The following IDNK variants were observed in gnomAD, a reference collection of about 807,000 sequenced individuals.
IDNK encodes the protein IDNK gluconokinase, also known as gluconokinase.
IDNK carries 9 observed loss-of-function variants against 13.0 expected under a neutral mutation model. That is an observed-to-expected ratio of 0.69 (90% CI 0.42 to 1.21). IDNK has a LOEUF of 1.21. Ranked by LOEUF, IDNK falls within the 50% of genes most tolerant of loss-of-function variation. The pLI, the probability that IDNK is intolerant of heterozygous loss-of-function variation, is 0.00. For missense variants in IDNK, 210 were observed against 237.8 expected (o/e 0.88, Z 0.77); for synonymous variants, 92 against 94.9 (o/e 0.97, Z 0.18).
rs146597472 is a variant in IDNK at position 83,643,469 on chromosome 9, G to A, written c.253G>A (p.Ala85Thr). 73 of 1,613,622 alleles carry A rather than the reference G, an allele frequency of 4.5e-5. No homozygotes were observed. The highest frequency in any genetic ancestry group is 4.1e-4 in the African/African-American group (31 of 74,912). Reference sequence around the variant, plus strand: ...ACAGCGTGTGGTTCTAGCCTGTTCAGCCCTGAAGAAAACGTACAGAGACAT... The same window carrying A: ...ACAGCGTGTGGTTCTAGCCTGTTCAACCCTGAAGAAAACGTACAGAGACAT... Reference protein sequence around the residue: ...SGQRVVLACSALKKTYRDILT... With the variant: ...SGQRVVLACSTLKKTYRDILT... The change falls in exon 5 of 5, where the codon GCC becomes ACC. Residue 85 changes from alanine (A) to threonine (T), a missense_variant. Physicochemically the swap from Ala to Thr is moderately conservative, Grantham distance 58. Transcript: ENST00000376419.
chr9:83,635,438 C>T (rs1201644880), intron 3 of IDNK, among the ~76,000 whole-genome samples: 3 of 152,210 alleles, frequency 2.0e-5, no homozygotes, highest in Non-Finnish European at 2.9e-5. Flanking sequence ...AATGAGAATA[C>T]GATGTTCAAA....
intron 1 of IDNK, among the ~76,000 whole-genome samples, chr9:83,624,405 A>C (rs1269781637): frequency 6.6e-6 from 1 of 151,982 alleles, no homozygotes; most frequent in Non-Finnish European, 1.5e-5. Context: ...CTCAATCCTT[A>C]CTCTATGTCA....
intron 1 of IDNK, chr9:83,626,622 G>A (rs1830858292): frequency 1.1e-6 from 1 of 939,416 alleles, no homozygotes; most frequent in Admixed American, 2.4e-5. Context: ...TTGCCATGTT[G>A]GCCGAGCTAG....
intron 4 of IDNK, among the ~76,000 whole-genome samples, chr9:83,642,819 T>G (rs1182089574): frequency 6.6e-6 from 1 of 151,648 alleles, no homozygotes; most frequent in East Asian, 1.9e-4. Context: ...CTGGCTGGAG[T>G]TTTTTCCTTA....
chr9:83,639,246 A>T (rs1407946081), intron 3 of IDNK, among the ~76,000 whole-genome samples: 2 of 152,246 alleles, frequency 1.3e-5, no homozygotes, highest in Admixed American at 1.3e-4. Flanking sequence ...AAATTACAGA[A>T]TATTAAGTAA....
chr9:83,626,867 G>T, intron 1 of IDNK: 1 of 1,086,532 alleles, frequency 9.2e-7, no homozygotes, highest in Non-Finnish European at 1.1e-6. Context: ...CACTGCTCTC[G>T]CAACCTTTGG....
chr9:83,642,880 C>A (rs917303188), intron 4 of IDNK, among the ~76,000 whole-genome samples: 1 of 152,178 alleles, frequency 6.6e-6, no homozygotes, highest in Non-Finnish European at 1.5e-5. Context: ...CACAGAGAGG[C>A]TGATGCTCCC....
chr9:83,631,015 G>A (rs556645635), intron 3 of IDNK, among the ~76,000 whole-genome samples: 2 of 152,288 alleles, frequency 1.3e-5, no homozygotes, highest in South Asian at 2.1e-4. Context: ...GAGGTAGAAC[G>A]ACAGATGATT....
At chr9:83,630,390 A>G (rs1046549352) in intron 3 of IDNK, among the ~76,000 whole-genome samples, 4 of 152,224 alleles carry the variant, frequency 2.6e-5, no homozygotes, top group African/African-American at 9.6e-5. Context: ...TAAACTAGAG[A>G]TAATAAACAT....
At chr9:83,628,007 CT>C in intron 1 of IDNK, 173 bp from the exon 2 acceptor site, 1 of 1,426,368 alleles carries the variant, frequency 7.0e-7, no homozygotes, top group South Asian at 1.5e-5. Flanking sequence ...TGGGGATCAG[CT>C]AAGGCCAGTC....
chr9:83,638,280 T>A (rs1051610969), intron 3 of IDNK, among the ~76,000 whole-genome samples: 1 of 151,818 alleles, frequency 6.6e-6, no homozygotes, highest in Non-Finnish European at 1.5e-5. Context: ...TGAAAAAGAA[T>A]GAAATAAAAA....
chr9:83,636,064 A>G (rs1400674668), intron 3 of IDNK, among the ~76,000 whole-genome samples: 1 of 152,238 alleles, frequency 6.6e-6, no homozygotes, highest in African/African-American at 2.4e-5. Context: ...GCTGACATAT[A>G]GCAGTATTAT....
chr9:83,626,768 C>T (rs1301292560), intron 1 of IDNK: 1 of 1,179,880 alleles, frequency 8.5e-7, no homozygotes, highest in East Asian at 7.3e-5. Flanking sequence ...CTTCACCAGC[C>T]ATGGAGTTTG....
chr9:83,623,302 G>A (rs773909402), intron 1 of IDNK, 81 bp downstream of exon 1: 1 of 1,232,916 alleles, frequency 8.1e-7, no homozygotes, highest in Non-Finnish European at 1.1e-6. Flanking sequence ...CGTCCCTGCC[G>A]GTGGACTGGG....
chr9:83,641,002 G>A (rs189476745), intron 3 of IDNK, among the ~76,000 whole-genome samples: 1,604 of 152,320 alleles, frequency 0.011, 17 homozygotes, highest in Non-Finnish European at 0.018. Context: ...GCGCCAGGAA[G>A]GAGAGAATTT....
At chr9:83,641,702 A>G in intron 4 of IDNK, 111 bp downstream of exon 4, 2 of 1,101,686 alleles carry the variant, frequency 1.8e-6, no homozygotes, top group Non-Finnish European at 2.7e-6. Context: ...CTGATGGTAA[A>G]GGATTCTAGA....
chr9:83,636,467 T>C (rs1001409007), intron 3 of IDNK, among the ~76,000 whole-genome samples: 1 of 152,198 alleles, frequency 6.6e-6, no homozygotes, highest in Admixed American at 6.5e-5. Flanking sequence ...ATTGCAATGG[T>C]AGTTTCAAGT....
intron 3 of IDNK, among the ~76,000 whole-genome samples, chr9:83,640,559 C>G (rs942952981): frequency 1.3e-5 from 2 of 152,106 alleles, no homozygotes; most frequent in Non-Finnish European, 2.9e-5. Flanking sequence ...TAGCTGAAGC[C>G]AGCCGGGTGC....
chr9:83,633,221 C>T (rs1293305172), intron 3 of IDNK, among the ~76,000 whole-genome samples: 1 of 152,326 alleles, frequency 6.6e-6, no homozygotes, highest in African/African-American at 2.4e-5. Flanking sequence ...CGCCTGTAGT[C>T]CCAGCTACTC....
Sources: allele counts gnomAD v4.1 joint callset (sites outside exome capture counted in the v4.1 genomes callset), GRCh38; gene constraint gnomAD v4.1.1; transcripts MANE v1.5; gene names NCBI Gene and HGNC (gene_info 2026-07-23, HGNC 2026-07-21).